Variants in OPA1 observed in about 807,000 individuals in gnomAD.
OPA1 encodes the protein OPA1 mitochondrial dynamin like GTPase, also known as dynamin-like GTPase OPA1, mitochondrial.
OPA1 carries 59 observed loss-of-function variants against 152.9 expected under a neutral mutation model. The ratio of observed to expected loss-of-function variants is 0.39; its 90% CI spans 0.31 to 0.48. The LOEUF is 0.48. OPA1 is among the 20% of genes least tolerant of loss of function. OPA1 has a pLI of 0.96. For synonymous variants in OPA1, 400 were observed against 389.9 expected (o/e 1.03, Z -0.31); for missense variants, 1,008 against 1,216.8 (o/e 0.83, Z 2.55).
At chr3:193,649,113 G>A (rs760429727) in intron 21 of OPA1, among the ~76,000 whole-genome samples, 3 of 151,864 alleles carry the variant, frequency 2.0e-5, no homozygotes, top group Non-Finnish European at 4.4e-5. Context: ...TAATAAATAC[G>A]TAATCATGAT....
At chr3:193,676,418 G>A (rs925064852) in intron 29 of OPA1, among the ~76,000 whole-genome samples, 24 of 152,130 alleles carry the variant, frequency 1.6e-4, no homozygotes, top group Non-Finnish European at 8.8e-5. Flanking sequence ...AGATAGTGAA[G>A]AATTATTTTT....
At chr3:193,607,533 G>A (rs1016269292) in intron 1 of OPA1, among the ~76,000 whole-genome samples, 44 of 152,194 alleles carry the variant, frequency 2.9e-4, no homozygotes, top group African/African-American at 9.6e-4. Context: ...TCGTTTCCCC[G>A]TTTCTTGTTT....
intron 1 of OPA1, among the ~76,000 whole-genome samples, chr3:193,600,862 CTT>C (rs1726353321): frequency 6.6e-6 from 1 of 152,136 alleles, no homozygotes; most frequent in Admixed American, 6.5e-5. Context: ...GTTCCTTTCT[CTT>C]GAGAGATTTC....
intron 29 of OPA1, among the ~76,000 whole-genome samples, chr3:193,682,123 T>A (rs1187456320): frequency 6.6e-6 from 1 of 152,238 alleles, no homozygotes; most frequent in Non-Finnish European, 1.5e-5. Flanking sequence ...AACACACGAA[T>A]GATAAAGCAG....
intron 1 of OPA1, among the ~76,000 whole-genome samples, chr3:193,608,159 G>A (rs1727591383): frequency 6.6e-6 from 1 of 152,096 alleles, no homozygotes; most frequent in African/African-American, 2.4e-5. Context: ...ACCAGTTACT[G>A]GATTCATTGA....
intron 21 of OPA1, among the ~76,000 whole-genome samples, chr3:193,651,896 T>A (rs116278329): frequency 0.017 from 2,181 of 131,530 alleles, 50 homozygotes; most frequent in African/African-American, 0.06. Flanking sequence ...ATAATAGTCC[T>A]CTACTTTAAA....
At chr3:193,617,422 A>G (rs867869680) in intron 4 of OPA1, 137 bp downstream of exon 4, 5 of 657,912 alleles carry the variant, frequency 7.6e-6, no homozygotes, top group South Asian at 1.9e-5. Flanking sequence ...TTTTAAAAAG[A>G]TAAACACAAA....
At chr3:193,672,262 A>C (rs1402265654) in intron 29 of OPA1, among the ~76,000 whole-genome samples, 1 of 152,210 alleles carries the variant, frequency 6.6e-6, no homozygotes, top group Non-Finnish European at 1.5e-5. Flanking sequence ...GATTGTCATC[A>C]TAAGTGCAAT....
intron 29 of OPA1, chr3:193,668,249 C>T: frequency 8.9e-7 from 1 of 1,118,964 alleles, no homozygotes; most frequent in Non-Finnish European, 1.3e-6. Flanking sequence ...AATATATTTT[C>T]ATATTTTGGT....
chr3:193,621,712 T>C (rs1375444100), intron 6 of OPA1, among the ~76,000 whole-genome samples: 1 of 152,202 alleles, frequency 6.6e-6, no homozygotes, highest in Non-Finnish European at 1.5e-5. Context: ...TCTTAATAAA[T>C]GCTTCTTGTT....
chr3:193,634,734 A>G (rs1732681507), intron 8 of OPA1, among the ~76,000 whole-genome samples: 1 of 152,090 alleles, frequency 6.6e-6, no homozygotes, highest in Non-Finnish European at 1.5e-5. Context: ...ATAGTAATAT[A>G]TTATCTCTGG....
chr3:193,689,976 C>T (rs1721441470), intron 29 of OPA1, among the ~76,000 whole-genome samples: 2 of 150,202 alleles, frequency 1.3e-5, no homozygotes, highest in Non-Finnish European at 3.0e-5. Flanking sequence ...AAAAATCCTC[C>T]AACTGATGAA....
At chr3:193,599,739 C>T (rs888005144) in intron 1 of OPA1, among the ~76,000 whole-genome samples, 3 of 152,154 alleles carry the variant, frequency 2.0e-5, no homozygotes, top group African/African-American at 7.2e-5. Flanking sequence ...TAAAAGAAAA[C>T]TTCAGACAAG....
intron 30 of OPA1, among the ~76,000 whole-genome samples, chr3:193,693,641 A>C (rs1025788957): frequency 9.2e-5 from 14 of 151,752 alleles, no homozygotes; most frequent in African/African-American, 2.4e-5. Context: ...CTCTTGTCTC[A>C]AAAAAAAAGT....
At chr3:193,611,314 C>T (rs1728199522) in intron 1 of OPA1, among the ~76,000 whole-genome samples, 1 of 152,230 alleles carries the variant, frequency 6.6e-6, no homozygotes, top group Non-Finnish European at 1.5e-5. Flanking sequence ...AAATGCTTAG[C>T]TAGGTTGGGC....
chr3:193,633,591 A>C (rs1292887930), intron 8 of OPA1, among the ~76,000 whole-genome samples: 1 of 152,238 alleles, frequency 6.6e-6, no homozygotes, highest in Non-Finnish European at 1.5e-5. Flanking sequence ...AATGATGTCC[A>C]ATAGAAATAT....
rs564790565 is a variant in OPA1, at chr3:193,610,936, C to T, written c.33-3787C>T. On this transcript the variant is annotated intron_variant, in intron 1 of 30. Transcript: ENST00000361510. ...CCAATTTTCCAGGTGCTGTCTGTCA[C>T]CCCTTTCCTTGGCTAGGAAAGGGAA... Among the ~76,000 whole-genome samples, 210 of 152,334 alleles carry T rather than the reference C, an allele frequency of 1.4e-3. 1 individual carries two copies. The highest frequency in any genetic ancestry group is 3.4e-3 in the Middle Eastern group (1 of 294).
At chr3:193,640,323 T>G (rs1480586437) in intron 11 of OPA1, among the ~76,000 whole-genome samples, 2 of 152,040 alleles carry the variant, frequency 1.3e-5, no homozygotes, top group East Asian at 3.9e-4. Flanking sequence ...CCAACCAGTA[T>G]AGTAAGAGGG....
At chr3:193,651,109 AG>A (rs1712319160) in intron 21 of OPA1, among the ~76,000 whole-genome samples, 1 of 152,174 alleles carries the variant, frequency 6.6e-6, no homozygotes, top group East Asian at 1.9e-4. Flanking sequence ...ATAAAACAGT[AG>A]ATGTAAGCAA....
Sources: allele counts gnomAD v4.1 joint callset (sites outside exome capture counted in the v4.1 genomes callset), GRCh38; gene constraint gnomAD v4.1.1; transcripts MANE v1.5; gene names NCBI Gene and HGNC (gene_info 2026-07-23, HGNC 2026-07-21).